The following ZDHHC14 variants were observed in gnomAD, a reference collection of about 807,000 sequenced individuals.
ZDHHC14 encodes palmitoyltransferase ZDHHC14.
Under a neutral mutation model 47.7 loss-of-function variants are expected in ZDHHC14, and 16 were observed. The observed-to-expected ratio is 0.34, with a 90% CI of 0.23 to 0.51. The LOEUF (loss-of-function observed/expected upper bound fraction) is 0.51, where lower values mean the gene tolerates loss of function less well. Among genes scored for constraint, ZDHHC14 ranks in the 20% least tolerant of loss-of-function variants. The pLI, the probability that ZDHHC14 is intolerant of heterozygous loss-of-function variation, is 0.97. For missense variants in ZDHHC14, 515 were observed against 662.5 expected, an observed-to-expected ratio of 0.78 and a Z score of 2.44; for synonymous variants, 293 against 278.9, an observed-to-expected ratio of 1.05 and a Z score of -0.50.
chr6:157,483,151 C>T (rs970268747), intron 1 of ZDHHC14, among the ~76,000 whole-genome samples: 4 of 152,206 alleles, frequency 2.6e-5, no homozygotes, highest in Admixed American at 2.6e-4. Context: ...ATATTTTTCT[C>T]TCTGGGCAGC....
intron 1 of ZDHHC14, among the ~76,000 whole-genome samples, chr6:157,418,982 G>A (rs1421435091): frequency 6.6e-6 from 1 of 152,190 alleles, no homozygotes; most frequent in African/African-American, 2.4e-5. Context: ...TAAGATGCTA[G>A]GAGGTCATAT....
At chr6:157,515,264 C>G (rs1315567981) in intron 1 of ZDHHC14, among the ~76,000 whole-genome samples, 1 of 152,100 alleles carries the variant, frequency 6.6e-6, no homozygotes, top group Non-Finnish European at 1.5e-5. Flanking sequence ...CTCTGCCAGA[C>G]AGTGAGGAAT....
At chr6:157,498,803 A>G (rs2114735946) in intron 1 of ZDHHC14, among the ~76,000 whole-genome samples, 1 of 152,358 alleles carries the variant, frequency 6.6e-6, no homozygotes. Context: ...TCCAGAGAAT[A>G]GTGCAAAAAC....
At position 157,673,047 on chromosome 6, in the gene ZDHHC14, C is replaced by T. The variant is rs543751650; in HGVS notation, c.1392C>T (p.His464=). Residue 464 remains histidine (H), a synonymous_variant, in exon 9 of 9, where the codon CAC becomes CAT. Transcript: ENST00000359775. The surrounding 1 kb of genome is among the most constrained non-coding windows in gnomAD (Gnocchi z 5.4). ...CCCTGGCGCACAGCCGCACCATGCACGTGCTGGGCCTGGCCAGCCAGGACT... is the reference window on the plus strand; with the variant it reads ...CCCTGGCGCACAGCCGCACCATGCATGTGCTGGGCCTGGCCAGCCAGGACT... ...GSPLAHSRTM[H]VLGLASQDSL... is the part of the protein sequence containing the mutation. The T allele has an allele frequency of 8.3e-6, 13 of 1,566,648 alleles. No individual in the cohort carries two copies. In the African/African-American group the frequency reaches 1.5e-4, roughly 18 times the overall value.
chr6:157,506,355 G>T (rs1278084183), intron 1 of ZDHHC14, among the ~76,000 whole-genome samples: 2 of 152,144 alleles, frequency 1.3e-5, no homozygotes, highest in South Asian at 4.1e-4. Flanking sequence ...TATTTCTGAG[G>T]TCTCTTTCAG....
At chr6:157,403,759 C>A (rs1007366737) in intron 1 of ZDHHC14, among the ~76,000 whole-genome samples, 1 of 152,230 alleles carries the variant, frequency 6.6e-6, no homozygotes, top group African/African-American at 2.4e-5. Context: ...GTATGATCTC[C>A]TTAGCTAATG....
chr6:157,446,268 T>C (rs1778665370), intron 1 of ZDHHC14, among the ~76,000 whole-genome samples: 1 of 152,188 alleles, frequency 6.6e-6, no homozygotes, highest in African/African-American at 2.4e-5. Context: ...TCTTTGTAGT[T>C]GCCATTTGCC....
intron 1 of ZDHHC14, among the ~76,000 whole-genome samples, chr6:157,530,833 A>G (rs1039322976): frequency 1.3e-5 from 2 of 152,168 alleles, no homozygotes; most frequent in African/African-American, 2.4e-5. Context: ...GAACGACTGG[A>G]TATTTCTAAC....
At chr6:157,485,868 C>A (rs1022969651) in intron 1 of ZDHHC14, among the ~76,000 whole-genome samples, 3 of 152,052 alleles carry the variant, frequency 2.0e-5, no homozygotes, top group African/African-American at 7.2e-5. Context: ...AAAATATTAG[C>A]TGGGTGTGGT....
In ZDHHC14 at chr6:157,568,597, C is replaced by T. The variant is rs535201585; in HGVS notation, c.407-24391C>T. 2.6e-5 allele frequency among the ~76,000 whole-genome samples: 4 copies of T among 152,110 alleles called. No individual in the cohort carries two copies. In the South Asian group the frequency reaches 8.3e-4, roughly 32 times the overall value. On this transcript the variant is annotated intron_variant, in intron 2 of 8. Coordinates refer to ENST00000359775, the MANE Select transcript of ZDHHC14 (RefSeq NM_024630.3). Reference sequence around the variant, plus strand: ...TCCAGTTTTTAATATTAATTAAAAACAATGTTGCACTCAGTATTCATGAAA... The same window carrying T: ...TCCAGTTTTTAATATTAATTAAAAATAATGTTGCACTCAGTATTCATGAAA...
intron 1 of ZDHHC14, among the ~76,000 whole-genome samples, chr6:157,383,513 T>C (rs999177900): frequency 2.0e-5 from 3 of 152,226 alleles, no homozygotes; most frequent in African/African-American, 7.2e-5. Flanking sequence ...TGGAAATGAA[T>C]GATCTCTTGA....
chr6:157,566,162 G>A (rs1782892358), intron 2 of ZDHHC14, among the ~76,000 whole-genome samples: 1 of 152,168 alleles, frequency 6.6e-6, no homozygotes, highest in South Asian at 2.1e-4. Context: ...CAACACCATG[G>A]CATTGGCTTT....
chr6:157,572,358 G>A (rs1318374814), intron 2 of ZDHHC14, among the ~76,000 whole-genome samples: 1 of 152,088 alleles, frequency 6.6e-6, no homozygotes, highest in Non-Finnish European at 1.5e-5. Context: ...AGATGATCCC[G>A]ATCATCAGCC....
intron 2 of ZDHHC14, among the ~76,000 whole-genome samples, chr6:157,572,020 G>T (rs1783118467): frequency 6.6e-6 from 1 of 152,036 alleles, no homozygotes; most frequent in South Asian, 2.1e-4. Context: ...GGCTCAGCAG[G>T]GTCGGGGCTG....
chr6:157,450,469 C>T (rs554345165), intron 1 of ZDHHC14, among the ~76,000 whole-genome samples: 62 of 149,160 alleles, frequency 4.2e-4, no homozygotes, highest in African/African-American at 1.3e-3. Context: ...GAGCCGAGAT[C>T]GCGCCACTGC....
chr6:157,606,811 G>C (rs906356705), intron 3 of ZDHHC14, among the ~76,000 whole-genome samples: 2 of 152,238 alleles, frequency 1.3e-5, no homozygotes, highest in Admixed American at 1.3e-4. Flanking sequence ...AGGGGTCCAC[G>C]AACTTGGAGA....
intron 1 of ZDHHC14, among the ~76,000 whole-genome samples, chr6:157,446,124 C>T (rs1418640947): frequency 6.6e-6 from 1 of 152,176 alleles, no homozygotes; most frequent in Non-Finnish European, 1.5e-5. Flanking sequence ...TGCAACCATA[C>T]CTATCTTTGG....
chr6:157,538,342 G>A (rs1176436904), intron 1 of ZDHHC14, among the ~76,000 whole-genome samples: 1 of 152,156 alleles, frequency 6.6e-6, no homozygotes, highest in African/African-American at 2.4e-5. Flanking sequence ...GAAGGAACTG[G>A]GCCTTAGCAT....
chr6:157,647,272 G>C lies in ZDHHC14; in HGVS notation c.869G>C (p.Trp290Ser). 1 of 1,613,300 alleles carries C rather than the reference G, an allele frequency of 6.2e-7. No homozygotes were observed. The highest frequency in any genetic ancestry group is 2.2e-5 in the East Asian group (1 of 44,852). Reference sequence around the variant, plus strand: ...CTTTTCTTTCAGATTAAAGGATCCTGGTCAAATAAAAGAGGTAAAGAAAAT... The same window carrying C: ...CTTTTCTTTCAGATTAAAGGATCCTCGTCAAATAAAAGAGGTAAAGAAAAT... ...QTTNEDIKGS[W>S]SNKRGKENYN... is the part of the protein sequence containing the mutation. The change falls in exon 7 of 9, where the codon TGG becomes TCG. Residue 290 changes from tryptophan to serine, a missense_variant. This residue lies in a region of ZDHHC14 where 229 missense variants were observed against 351.5 expected (regional missense o/e 0.65). Transcript: ENST00000359775.
Sources: allele counts gnomAD v4.1 joint callset (sites outside exome capture counted in the v4.1 genomes callset), GRCh38; gene constraint gnomAD v4.1.1; regional missense constraint gnomAD v4.1.1; non-coding constraint Gnocchi (gnomAD v3.1); transcripts MANE v1.5; gene names NCBI Gene and HGNC (gene_info 2026-07-23, HGNC 2026-07-21).